Variants in MAGI2 observed in about 807,000 individuals in gnomAD.
MAGI2 encodes membrane-associated guanylate kinase, WW and PDZ domain-containing protein 2.
Under a neutral mutation model 133.3 loss-of-function variants are expected in MAGI2, and 35 were observed. The ratio of observed to expected loss-of-function variants is 0.26; its 90% CI spans 0.20 to 0.35. MAGI2 has a LOEUF of 0.35. Among genes scored for constraint, MAGI2 ranks in the 10% least tolerant of loss-of-function variants. The pLI, the probability that MAGI2 is intolerant of heterozygous loss-of-function variation, is 1.00. For missense variants in MAGI2, 1,636 were observed against 1,863.4 expected, an observed-to-expected ratio of 0.88 and a Z score of 2.25; for synonymous variants, 729 against 710.6, an observed-to-expected ratio of 1.03 and a Z score of -0.41.
chr7:79,388,849 A>G (rs971334334), intron 1 of MAGI2, among the ~76,000 whole-genome samples: 2 of 151,528 alleles, frequency 1.3e-5, no homozygotes, highest in African/African-American at 4.8e-5. Flanking sequence ...TCATTAAAAA[A>G]AAAAAAAACA....
At chr7:78,401,047 T>C (rs746212253) in intron 6 of MAGI2, among the ~76,000 whole-genome samples, 62 of 150,992 alleles carry the variant, frequency 4.1e-4, no homozygotes, top group Non-Finnish European at 8.1e-4. Flanking sequence ...TCTAGAATGG[T>C]TTCTTATTTC....
chr7:79,137,349 A>G (rs931456750), intron 1 of MAGI2, among the ~76,000 whole-genome samples: 8 of 151,852 alleles, frequency 5.3e-5, no homozygotes, highest in Non-Finnish European at 1.2e-4. Flanking sequence ...GAGGGATGCC[A>G]TGGGAGCTCT....
At chr7:78,039,290 A>G (rs1212287274) in intron 21 of MAGI2, among the ~76,000 whole-genome samples, 1 of 152,238 alleles carries the variant, frequency 6.6e-6, no homozygotes, top group East Asian at 1.9e-4. Flanking sequence ...TGAATTAATC[A>G]ATTAAATAAG....
At chr7:78,645,756 C>CCT (rs1563289484) in intron 2 of MAGI2, among the ~76,000 whole-genome samples, 2 of 149,380 alleles carry the variant, frequency 1.3e-5, no homozygotes, top group East Asian at 3.9e-4. Context: ...TTTTTTTCCC[C>CCT]GAGACATTGT....
chr7:79,151,535 T>C (rs1823241387), intron 1 of MAGI2, among the ~76,000 whole-genome samples: 1 of 152,274 alleles, frequency 6.6e-6, no homozygotes, highest in Admixed American at 6.5e-5. Context: ...TGAACTACTA[T>C]CATTAAAATT....
At chr7:79,344,806 A>G (rs1271245358) in intron 1 of MAGI2, among the ~76,000 whole-genome samples, 1 of 152,050 alleles carries the variant, frequency 6.6e-6, no homozygotes, top group East Asian at 1.9e-4. Context: ...TACCTGGGTG[A>G]CTCAGGTAAA....
chr7:78,253,069 G>A (rs1792592001), intron 10 of MAGI2: 1 of 151,892 alleles, frequency 6.6e-6, no homozygotes, highest in South Asian at 2.1e-4. Flanking sequence ...CTACTCCTAG[G>A]TATCTACCCA....
Position 78,804,758 on chromosome 7 carries a change from A to AC in MAGI2, c.419-177520_419-177519insG, listed in dbSNP as rs1563526011. Among the ~76,000 whole-genome samples, 9 of 45,152 alleles carry AC rather than the reference A, an allele frequency of 2.0e-4. 1 individual carries two copies. In the East Asian group the frequency reaches 5.3e-3, roughly 27 times the overall value. The allele number at this position is 45,152 out of a possible 152,430, so 29.6% of individuals were successfully genotyped here. A position where few individuals can be genotyped will look rare whatever the true frequency, so the allele number is the denominator to read the frequency against. ...AGCGAGACTCTGTCTCAAAAAAAAAAAAAAAAAAAAAAAACCTTTGGCCCT... is the reference window on the plus strand; with the variant it reads ...AGCGAGACTCTGTCTCAAAAAAAAAACAAAAAAAAAAAAAACCTTTGGCCCT... On this transcript the variant is annotated intron_variant, in intron 2 of 21. Coordinates refer to ENST00000354212, the MANE Select transcript of MAGI2 (RefSeq NM_012301.4).
At chr7:78,302,947 C>G (rs554594124) in intron 9 of MAGI2, among the ~76,000 whole-genome samples, 6 of 152,150 alleles carry the variant, frequency 3.9e-5, no homozygotes, top group Admixed American at 3.9e-4. Flanking sequence ...AAGAGGCAAT[C>G]CTAAGTATGT....
intron 1 of MAGI2, among the ~76,000 whole-genome samples, chr7:79,188,476 A>G (rs1239036018): frequency 1.3e-5 from 2 of 151,834 alleles, no homozygotes; most frequent in African/African-American, 4.8e-5. Flanking sequence ...TTATGGCTGC[A>G]TAGTATTCCA....
intron 1 of MAGI2, among the ~76,000 whole-genome samples, chr7:79,118,418 C>T (rs925802809): frequency 6.6e-6 from 1 of 152,094 alleles, no homozygotes; most frequent in South Asian, 2.1e-4. Flanking sequence ...TTCCTACTTG[C>T]AGGAAGCTAG....
At chr7:79,241,742 T>C (rs1416711205) in intron 1 of MAGI2, among the ~76,000 whole-genome samples, 1 of 152,174 alleles carries the variant, frequency 6.6e-6, no homozygotes, top group Non-Finnish European at 1.5e-5. Context: ...TTTGTGACTC[T>C]CCCAACTGAT....
At chr7:78,049,107 CAAAA>C (rs34719237) in intron 21 of MAGI2, among the ~76,000 whole-genome samples, 16 of 136,654 alleles carry the variant, frequency 1.2e-4, no homozygotes, top group Non-Finnish European at 1.2e-4. Flanking sequence ...GACTCCACCT[CAAAA>C]AAAAAAAAAA....
chr7:78,720,108 C>A (rs1181366170), intron 2 of MAGI2, among the ~76,000 whole-genome samples: 1 of 152,040 alleles, frequency 6.6e-6, no homozygotes, highest in Non-Finnish European at 1.5e-5. Context: ...CAGATAAATT[C>A]TTTTGTAAAT....
rs560268058 is a variant in MAGI2, at chr7:79,158,785, C to T, written c.302-151579G>A. Among the ~76,000 whole-genome samples the T allele has an allele frequency of 7.9e-5, 12 of 151,904 alleles. 1 individual carries two copies. In the East Asian group the frequency reaches 2.3e-3, roughly 30 times the overall value. On this transcript the variant is annotated intron_variant, in intron 1 of 21. Coordinates refer to ENST00000354212, the MANE Select transcript of MAGI2 (RefSeq NM_012301.4). ...TGTTTTTGTAAATAATCTAGGTAAA[C>T]TATTAAAGCAATCAGGTAAATGGAA...
intron 2 of MAGI2, among the ~76,000 whole-genome samples, chr7:78,921,418 A>C (rs1288765633): frequency 6.6e-6 from 1 of 152,270 alleles, no homozygotes; most frequent in Middle Eastern, 3.4e-3. Context: ...ATTCTAACTC[A>C]GTACGTTGGG....
At chr7:79,338,784 T>C (rs1840677162) in intron 1 of MAGI2, among the ~76,000 whole-genome samples, 1 of 152,122 alleles carries the variant, frequency 6.6e-6, no homozygotes, top group African/African-American at 2.4e-5. Context: ...TAAATACCAA[T>C]GTCAGTGATG....
intron 1 of MAGI2, among the ~76,000 whole-genome samples, chr7:79,094,539 G>A (rs951019848): frequency 1.3e-5 from 2 of 152,120 alleles, no homozygotes; most frequent in Non-Finnish European, 2.9e-5. Flanking sequence ...CTCTCCAGAA[G>A]GTTTTCAATT....
intron 2 of MAGI2, among the ~76,000 whole-genome samples, chr7:78,783,012 C>CTTTTTTTTTTTTTTT (rs11432048): frequency 6.2e-5 from 6 of 96,198 alleles, no homozygotes; most frequent in East Asian, 3.2e-4. Context: ...TGATTCTTAC[C>CTTTTTTTTTTTTTTT]TTTTTTTTTT....
Sources: gnomAD v4.1 joint callset for allele counts (sites outside exome capture counted in the v4.1 genomes callset) on GRCh38, gnomAD v4.1.1 for gene constraint, MANE v1.5 for transcripts, NCBI Gene and HGNC (gene_info 2026-07-23, HGNC 2026-07-21) for gene names.